The following DPP4 variants were observed in gnomAD, a reference collection of about 807,000 sequenced individuals.
DPP4 encodes ADCP-2.
Under a neutral mutation model 122.4 loss-of-function variants are expected in DPP4, and 93 were observed. The ratio of observed to expected loss-of-function variants is 0.76; its 90% CI spans 0.64 to 0.90. The LOEUF (loss-of-function observed/expected upper bound fraction) is 0.90. DPP4 is among the 40% of genes least tolerant of loss of function. The probability of loss-of-function intolerance (pLI) is 0.00; values close to 1 mark genes in which losing one functional copy is unlikely to be tolerated. For synonymous variants in DPP4, 321 were observed against 302.9 expected (o/e 1.06, Z -0.62); for missense variants, 914 against 907.3 (o/e 1.01, Z -0.09).
At chr2:162,038,201 T>C (rs925768230) in intron 8 of DPP4, 101 bp downstream of exon 8, 2 of 1,177,038 alleles carry the variant, frequency 1.7e-6, no homozygotes, top group African/African-American at 1.6e-5. Flanking sequence ...ACAATGAAAC[T>C]TTTTTTCAAT....
Position 162,033,893 on chromosome 2 carries a change from T to TATATATATATATATAC in DPP4, c.775-241_775-240insGTATATATATATATAT, listed in dbSNP as rs1491588211. 6.6e-4 allele frequency among the ~76,000 whole-genome samples: 92 copies of TATATATATATATATAC among 138,550 alleles called. 1 individual carries two copies. Among genetic ancestry groups the TATATATATATATATAC allele is most frequent in the African/African-American group, 2.1e-3 (77 of 36,260 alleles). 90.9% of individuals were successfully genotyped at this position (138,550 alleles called of 152,430 possible). A position where few individuals can be genotyped will look rare whatever the true frequency, so the allele number is the denominator to read the frequency against. ...ATATATATATATATATATATATATA[T>TATATATATATATATAC]ACACACTATATAAAACTTGAAGGTC... On this transcript the variant is annotated intron_variant, in intron 9 of 25. Transcript: ENST00000360534.
intron 10 of DPP4, 77 bp from the exon 11 acceptor site, chr2:162,025,016 T>G: frequency 6.7e-7 from 1 of 1,493,418 alleles, no homozygotes. Flanking sequence ...CAAATAGACA[T>G]TTTACTCAGT....
intron 10 of DPP4, among the ~76,000 whole-genome samples, chr2:162,028,148 G>A (rs1422265893): frequency 1.3e-5 from 2 of 151,766 alleles, no homozygotes. Context: ...GATCATTTGA[G>A]GCCAGGAGTT....
chr2:162,012,063 G>A (rs1291339759), intron 19 of DPP4, 76 bp from the exon 20 acceptor site: 22 of 1,411,080 alleles, frequency 1.6e-5, no homozygotes, highest in African/African-American at 4.3e-5. Flanking sequence ...TCTCTTCTCC[G>A]TGGAGAAGTA....
chr2:162,038,150 C>A, intron 8 of DPP4, 152 bp downstream of exon 8: 1 of 691,354 alleles, frequency 1.4e-6, no homozygotes, highest in Non-Finnish European at 2.3e-6. Flanking sequence ...AAGGAGACAT[C>A]TGGTGCTGTG....
chr2:162,059,967 T>C (rs1684707425), intron 2 of DPP4, among the ~76,000 whole-genome samples: 1 of 152,260 alleles, frequency 6.6e-6, no homozygotes, highest in African/African-American at 2.4e-5. Flanking sequence ...ATTCTTCTTA[T>C]GCTCATTCCC....
At chr2:162,034,248 C>T (rs563900206) in intron 9 of DPP4, among the ~76,000 whole-genome samples, 5 of 152,074 alleles carry the variant, frequency 3.3e-5, no homozygotes, top group South Asian at 2.1e-4. Context: ...CATAGATCTT[C>T]GATTGACAGA....
rs1701358432 is a variant in DPP4 at position 162,009,257 on chromosome 2, A to C, written c.1871T>G (p.Ile624Ser). The change falls in exon 21 of 26, where the codon ATT (isoleucine) becomes AGT (serine). Residue 624 changes from isoleucine (I) to serine (S), a missense_variant. Coordinates refer to ENST00000360534, the MANE Select transcript of DPP4 (RefSeq NM_001935.4). ...SKMGFVDNKR[I>S]AIWGWSYGGY... is the part of the protein sequence containing the mutation. ...ACTACTCACCCAGCCCCAAATTGCA[A>C]TTCGTTTGTTGTCCACAAATCCCAT... The C allele has an allele frequency of 6.2e-7, 1 of 1,613,696 alleles. No homozygotes were observed. The highest frequency in any genetic ancestry group is 1.3e-5 in the African/African-American group (1 of 74,896).
chr2:162,005,553 G>A (rs1000722381), intron 23 of DPP4, 192 bp downstream of exon 23: 2 of 527,826 alleles, frequency 3.8e-6, no homozygotes, highest in Admixed American at 3.2e-5. Flanking sequence ...TATAGCATAC[G>A]ATAAAGACTG....
intron 23 of DPP4, among the ~76,000 whole-genome samples, chr2:162,005,021 C>T (rs751762050): frequency 2.0e-4 from 30 of 152,282 alleles, no homozygotes; most frequent in Admixed American, 3.9e-4. Flanking sequence ...ATCAAAGTGC[C>T]AGAAGGGTCC....
At chr2:162,026,584 T>A (rs769807653) in intron 10 of DPP4, among the ~76,000 whole-genome samples, 32 of 152,102 alleles carry the variant, frequency 2.1e-4, no homozygotes, top group Non-Finnish European at 4.4e-4. Context: ...ATCCACGATG[T>A]CTTCTTGGAA....
chr2:162,049,552 G>A (rs1047797486), intron 2 of DPP4, among the ~76,000 whole-genome samples: 1 of 152,070 alleles, frequency 6.6e-6, no homozygotes, highest in Non-Finnish European at 1.5e-5. Context: ...ATACCAAGGC[G>A]ATGGGTTGAT....
intron 2 of DPP4, among the ~76,000 whole-genome samples, chr2:162,070,198 A>G (rs1236879093): frequency 6.6e-6 from 1 of 152,168 alleles, no homozygotes; most frequent in Non-Finnish European, 1.5e-5. Context: ...AAAACATACA[A>G]TCATTTATTA....
At chr2:162,033,686 C>CAAA (rs11437441) in intron 9 of DPP4, 33 bp from the exon 10 acceptor site, 1,548 of 1,134,116 alleles carry the variant, frequency 1.4e-3, no homozygotes, top group Non-Finnish European at 1.6e-3. Flanking sequence ...TTGGTATTGA[C>CAAA]AAAAAAAAAA....
intron 19 of DPP4, among the ~76,000 whole-genome samples, chr2:162,013,513 C>A (rs1214959885): frequency 6.6e-6 from 1 of 152,022 alleles, no homozygotes; most frequent in Non-Finnish European, 1.5e-5. Flanking sequence ...TGGGTCCTGC[C>A]TTCCTCTCCC....
intron 10 of DPP4, among the ~76,000 whole-genome samples, chr2:162,027,187 C>A (rs1683360989): frequency 6.6e-6 from 1 of 152,012 alleles, no homozygotes; most frequent in Non-Finnish European, 1.5e-5. Flanking sequence ...CCTGACTCTA[C>A]TAAAAATGCA....
intron 9 of DPP4, among the ~76,000 whole-genome samples, chr2:162,034,032 C>T (rs1359190277): frequency 1.3e-4 from 20 of 151,938 alleles, no homozygotes; most frequent in Middle Eastern, 3.4e-3. Context: ...TACCCTGTCT[C>T]CCTGAGACCA....
At chr2:162,019,639 A>T (rs1271896208) in intron 14 of DPP4, among the ~76,000 whole-genome samples, 1 of 152,136 alleles carries the variant, frequency 6.6e-6, no homozygotes, top group African/African-American at 2.4e-5. Context: ...GTCTTATAAC[A>T]TAAGCTACTA....
chr2:162,074,102 A>G lies in DPP4; in HGVS notation c.-121T>C, dbSNP rs200636012. The G allele has an allele frequency of 4.1e-6, 6 of 1,474,668 alleles. No individual in the cohort carries two copies. The highest frequency in any genetic ancestry group is 5.4e-6 in the Non-Finnish European group (6 of 1,111,692). 91.3% of individuals were successfully genotyped at this position (1,474,668 alleles called of 1,614,324 possible). On this transcript the variant is annotated 5_prime_UTR_variant, in exon 1 of 26. Coordinates refer to ENST00000360534, the MANE Select transcript of DPP4 (RefSeq NM_001935.4). ...GCGGTGGAGTCACTCGCCGCTGGCAAGTTTCGGCCCCGAGTTAAACATTAG... is the reference window on the plus strand; with the variant it reads ...GCGGTGGAGTCACTCGCCGCTGGCAGGTTTCGGCCCCGAGTTAAACATTAG...
Sources: gnomAD v4.1 joint callset for allele counts (sites outside exome capture counted in the v4.1 genomes callset) on GRCh38, gnomAD v4.1.1 for gene constraint, MANE v1.5 for transcripts, NCBI Gene and HGNC (gene_info 2026-07-23, HGNC 2026-07-21) for gene names.